BICD1: variants seen among roughly 807,000 people sequenced by gnomAD.
BICD1 encodes protein bicaudal D homolog 1.
BICD1 carries 35 observed loss-of-function variants against 92.5 expected under a neutral mutation model. The observed-to-expected ratio is 0.38, with a 90% CI of 0.29 to 0.50. The LOEUF is 0.50. Among genes scored for constraint, BICD1 ranks in the 20% least tolerant of loss-of-function variants. The pLI, the probability that BICD1 is intolerant of heterozygous loss-of-function variation, is 0.93. For synonymous variants in BICD1, 429 were observed against 465.1 expected (o/e 0.92, Z 1.00); for missense variants, 950 against 1,189.8 (o/e 0.80, Z 2.97).
At chr12:32,202,209 G>T (rs1385403413) in intron 1 of BICD1, among the ~76,000 whole-genome samples, 1 of 152,164 alleles carries the variant, frequency 6.6e-6, no homozygotes, top group Non-Finnish European at 1.5e-5. Flanking sequence ...GCGTCTGTTT[G>T]GTTGAGACAG....
intron 1 of BICD1, among the ~76,000 whole-genome samples, chr12:32,138,964 G>A (rs775735857): frequency 3.2e-4 from 48 of 152,136 alleles, no homozygotes; most frequent in Non-Finnish European, 6.5e-4. Context: ...GAAGAATTTT[G>A]TGATTTTGAT....
At position 32,114,652 on chromosome 12, in the gene BICD1, A is replaced by G. The variant is rs541906816; in HGVS notation, c.213+7108A>G. Reference sequence around the variant, plus strand: ...GCCTGTTTTGGCCTCCCAAAGTGCTAGGATTACAGGCTAACTTTCAATTTA... The same window carrying G: ...GCCTGTTTTGGCCTCCCAAAGTGCTGGGATTACAGGCTAACTTTCAATTTA... On this transcript the variant is annotated intron_variant, in intron 1 of 9. Coordinates refer to ENST00000652176, the MANE Select transcript of BICD1 (RefSeq NM_001714.4). Among the ~76,000 whole-genome samples, 26 of 152,076 alleles carry G rather than the reference A, an allele frequency of 1.7e-4. 1 individual carries two copies. Among genetic ancestry groups the G allele is most frequent in the Non-Finnish European group, 1.5e-4 (10 of 68,002 alleles).
In BICD1 at chr12:32,159,107, T is replaced by A. The variant is rs377372290; in HGVS notation, c.213+51563T>A. ...CACCACCATGCCCAGCTAATTTTTG[T>A]ATTTTTAATAGAGACGGGGTTTCAT... On this transcript the variant is annotated intron_variant, in intron 1 of 9. Transcript: ENST00000652176. 7.2e-5 allele frequency among the ~76,000 whole-genome samples: 11 copies of A among 152,256 alleles called. No homozygotes were observed. In the East Asian group the frequency reaches 1.9e-3, roughly 27 times the overall value.
chr12:32,300,545 G>A (rs1948008657), intron 3 of BICD1, among the ~76,000 whole-genome samples: 2 of 150,946 alleles, frequency 1.3e-5, no homozygotes, highest in South Asian at 4.2e-4. Context: ...AGGGTTGGTT[G>A]AAATACTAGG....
At chr12:32,175,848 A>G (rs78770419) in intron 1 of BICD1, among the ~76,000 whole-genome samples, 111 of 152,250 alleles carry the variant, frequency 7.3e-4, no homozygotes, top group African/African-American at 2.3e-3. Flanking sequence ...CATCCTCCTA[A>G]TAGGATCTCT....
intron 1 of BICD1, among the ~76,000 whole-genome samples, chr12:32,207,178 A>C (rs1246110451): frequency 6.6e-6 from 1 of 152,122 alleles, no homozygotes; most frequent in African/African-American, 2.4e-5. Context: ...TTAATGTTAC[A>C]TTTTGTGTTT....
At position 32,265,405 on chromosome 12, in the gene BICD1, GTTC is replaced by G. The variant is rs1486400131; in HGVS notation, c.427-28586_427-28584del. 3.3e-5 allele frequency among the ~76,000 whole-genome samples: 5 copies of G among 152,124 alleles called. No individual in the cohort carries two copies. In the South Asian group the frequency reaches 8.3e-4, roughly 25 times the overall value. On this transcript the variant is annotated intron_variant, in intron 2 of 9. Transcript: ENST00000652176. ...TAAGACTTTCACATCAATTCAGTTG[GTTC>G]TTTTGTTAAGAATTACAGGGTTGGG...
In BICD1 at chr12:32,240,454, C is replaced by T. The variant is rs1422091451; in HGVS notation, c.426+23995C>T. Among the ~76,000 whole-genome samples the T allele has an allele frequency of 3.9e-5, 6 of 152,194 alleles. No individual in the cohort carries two copies. In the East Asian group the frequency reaches 5.8e-4, roughly 15 times the overall value. ...TGTGTTCACTGACTCATGTCTGCTT[C>T]CTCCATCTTTCAAAGCCAGCAGCCG... On this transcript the variant is annotated intron_variant, in intron 2 of 9. Coordinates refer to ENST00000652176, the MANE Select transcript of BICD1 (RefSeq NM_001714.4).
At chr12:32,216,846 G>A (rs985737035) in intron 2 of BICD1, among the ~76,000 whole-genome samples, 5 of 152,216 alleles carry the variant, frequency 3.3e-5, no homozygotes, top group African/African-American at 1.2e-4. Flanking sequence ...TGACAGTGGT[G>A]TTGGCTCAGG....
In BICD1 at chr12:32,192,805, A is replaced by G. The variant is rs149795207; in HGVS notation, c.214-23442A>G. Among the ~76,000 whole-genome samples, 381 of 152,344 alleles carry G rather than the reference A, an allele frequency of 2.5e-3. 1 individual carries two copies. The highest frequency in any genetic ancestry group is 8.8e-3 in the African/African-American group (365 of 41,576). ...GGTGGATGATTTTGAGGGGTTCAAG[A>G]CTTCAGTGGAGGAAGGAACTGCAGA... On this transcript the variant is annotated intron_variant, in intron 1 of 9. Transcript: ENST00000652176.
At chr12:32,107,858 A>G (rs1941544804) in intron 1 of BICD1, 2 of 623,910 alleles carry the variant, frequency 3.2e-6, no homozygotes, top group East Asian at 2.8e-5. Context: ...GTATAAATCA[A>G]ACTTCTCAAA....
chr12:32,262,878 T>C (rs1946892356), intron 2 of BICD1, among the ~76,000 whole-genome samples: 1 of 152,176 alleles, frequency 6.6e-6, no homozygotes, highest in Non-Finnish European at 1.5e-5. Context: ...GAGTGGTGGC[T>C]CACGCCTGTA....
chr12:32,150,574 A>G (rs1943259549), intron 1 of BICD1, among the ~76,000 whole-genome samples: 1 of 152,212 alleles, frequency 6.6e-6, no homozygotes, highest in Non-Finnish European at 1.5e-5. Context: ...TTAGCTTTAC[A>G]AATGCACTGC....
chr12:32,233,108 G>A (rs1945942152), intron 2 of BICD1, among the ~76,000 whole-genome samples: 1 of 152,040 alleles, frequency 6.6e-6, no homozygotes, highest in African/African-American at 2.4e-5. Flanking sequence ...TATCACTTGA[G>A]GTCAAGAATT....
At chr12:32,162,674 ATTCT>A (rs1480477227) in intron 1 of BICD1, among the ~76,000 whole-genome samples, 1 of 152,122 alleles carries the variant, frequency 6.6e-6, no homozygotes, top group Non-Finnish European at 1.5e-5. Flanking sequence ...GGAAACGGAG[ATTCT>A]TTAATTAAAA....
At chr12:32,288,153 G>A (rs973926453) in intron 2 of BICD1, among the ~76,000 whole-genome samples, 4 of 151,864 alleles carry the variant, frequency 2.6e-5, no homozygotes, top group African/African-American at 9.7e-5. Context: ...AATTCCATGG[G>A]TTGTGACTTC....
At chr12:32,284,531 A>G (rs1947511352) in intron 2 of BICD1, among the ~76,000 whole-genome samples, 1 of 151,668 alleles carries the variant, frequency 6.6e-6, no homozygotes, top group African/African-American at 2.4e-5. Context: ...TCCCCTCCGT[A>G]TTCTTCATGT....
At chr12:32,243,681 TTA>T (rs1946297684) in intron 2 of BICD1, among the ~76,000 whole-genome samples, 1 of 152,164 alleles carries the variant, frequency 6.6e-6, no homozygotes, top group African/African-American at 2.4e-5. Flanking sequence ...CCCTGAAGGT[TTA>T]GTGTTCCTGT....
At chr12:32,122,852 C>A (rs934385073) in intron 1 of BICD1, among the ~76,000 whole-genome samples, 3 of 152,076 alleles carry the variant, frequency 2.0e-5, no homozygotes, top group Non-Finnish European at 4.4e-5. Context: ...ATTTGTGATG[C>A]CAGTGTGATT....
Sources: allele counts gnomAD v4.1 joint callset (sites outside exome capture counted in the v4.1 genomes callset), GRCh38; gene constraint gnomAD v4.1.1; transcripts MANE v1.5; gene names NCBI Gene and HGNC (gene_info 2026-07-23, HGNC 2026-07-21).